SEMA6A: variants seen among roughly 807,000 people sequenced by gnomAD.
SEMA6A encodes the protein semaphorin 6A, also known as semaphorin-6A.
A neutral mutation model predicts 96.8 loss-of-function variants in SEMA6A; 25 were observed. The observed-to-expected ratio is 0.26, with a 90% confidence interval of 0.19 to 0.36. SEMA6A has a LOEUF of 0.36. Among genes scored for constraint, SEMA6A ranks in the 10% least tolerant of loss-of-function variants. The pLI is 1.00. For missense variants in SEMA6A, 1,363 were observed against 1,323.1 expected, an observed-to-expected ratio of 1.03 and a Z score of -0.47; for synonymous variants, 612 against 518.0, an observed-to-expected ratio of 1.18 and a Z score of -2.46.
intron 12 of SEMA6A, 130 bp from the exon 13 acceptor site, chr5:116,478,848 T>G: frequency 1.2e-6 from 1 of 869,156 alleles, no homozygotes; most frequent in Non-Finnish European, 1.7e-6. Flanking sequence ...ATATAAATAA[T>G]GTTCTCAAGT....
chr5:116,454,189 T>C (rs147908555), intron 18 of SEMA6A, among the ~76,000 whole-genome samples: 125 of 151,990 alleles, frequency 8.2e-4, no homozygotes, highest in Admixed American at 2.0e-3. Context: ...TTTAGAGAAA[T>C]ATGCAAAGGC....
chr5:116,466,676 T>A (rs1755777642), intron 18 of SEMA6A, among the ~76,000 whole-genome samples: 2 of 152,040 alleles, frequency 1.3e-5, no homozygotes, highest in African/African-American at 4.8e-5. Flanking sequence ...CTTCCAAGGG[T>A]CACAGTGGCT....
At chr5:116,477,951 C>A in intron 14 of SEMA6A, 25 bp from the exon 15 acceptor site, 1 of 1,613,892 alleles carries the variant, frequency 6.2e-7, no homozygotes, top group Non-Finnish European at 8.5e-7. Flanking sequence ...TGACCATGAG[C>A]TACCTAGGAC....
At chr5:116,527,793 C>T (rs540814914) in intron 1 of SEMA6A, among the ~76,000 whole-genome samples, 8 of 152,244 alleles carry the variant, frequency 5.3e-5, no homozygotes, top group South Asian at 4.1e-4. Context: ...AAAGTCAACC[C>T]TGTGATGCAC....
chr5:116,492,573 G>C (rs1003672356), intron 6 of SEMA6A: 1 of 152,198 alleles, frequency 6.6e-6, no homozygotes, highest in African/African-American at 2.4e-5. Flanking sequence ...TAGAGAATAG[G>C]AGGAAAAAGG....
At chr5:116,568,144 G>GTTA (rs1344442708) in intron 1 of SEMA6A, among the ~76,000 whole-genome samples, 1 of 152,180 alleles carries the variant, frequency 6.6e-6, no homozygotes, top group African/African-American at 2.4e-5. Flanking sequence ...TAGGATCTCT[G>GTTA]TTATATCCAG....
intron 1 of SEMA6A, among the ~76,000 whole-genome samples, chr5:116,532,416 C>T (rs1042092199): frequency 3.3e-5 from 5 of 152,202 alleles, no homozygotes; most frequent in African/African-American, 1.2e-4. Flanking sequence ...GGCCACAAGA[C>T]TGTTTAATAG....
intron 1 of SEMA6A, among the ~76,000 whole-genome samples, chr5:116,559,531 A>G (rs1760735189): frequency 6.6e-6 from 1 of 151,836 alleles, no homozygotes; most frequent in Non-Finnish European, 1.5e-5. Flanking sequence ...GGCTCATTAC[A>G]ACAGCGCGTT....
intron 12 of SEMA6A, 106 bp downstream of exon 12, chr5:116,480,016 A>T: frequency 1.5e-6 from 2 of 1,328,948 alleles, no homozygotes; most frequent in Non-Finnish European, 2.1e-6. Context: ...AATGCCCAGG[A>T]TAGCAGAAGA....
chr5:116,453,177 G>A (rs888077577), intron 18 of SEMA6A, among the ~76,000 whole-genome samples: 2 of 152,148 alleles, frequency 1.3e-5, no homozygotes, highest in African/African-American at 2.4e-5. Flanking sequence ...TGTTAGGCTG[G>A]AGGCATGAGC....
chr5:116,474,576 CTTTA>C (rs767054803), intron 16 of SEMA6A, among the ~76,000 whole-genome samples: 1 of 152,126 alleles, frequency 6.6e-6, no homozygotes, highest in Non-Finnish European at 1.5e-5. Flanking sequence ...CTTTAGCCCT[CTTTA>C]TTTGATTATA....
At chr5:116,565,207 A>C (rs1004836640) in intron 1 of SEMA6A, among the ~76,000 whole-genome samples, 4 of 152,262 alleles carry the variant, frequency 2.6e-5, no homozygotes, top group Non-Finnish European at 4.4e-5. Context: ...GGATGTGCAC[A>C]TAACAAGGTC....
rs780757162 is a variant in SEMA6A, at chr5:116,478,496, T to C, written c.1427+46A>G. ...TTTCTCTGAATGAAAGGGGCCATAA[T>C]AGCATAACAAATAATTACTAAGAAA... On this transcript the variant is annotated intron_variant, in intron 13 of 18. Coordinates refer to ENST00000343348, the MANE Select transcript of SEMA6A (RefSeq NM_020796.5). 5.9e-6 allele frequency: 9 copies of C among 1,526,678 alleles called. No individual in the cohort carries two copies. In the East Asian group the frequency reaches 7.0e-5, roughly 12 times the overall value. The allele number at this position is 1,526,678 out of a possible 1,614,324, so 94.6% of individuals were successfully genotyped here. A position where few individuals can be genotyped will look rare whatever the true frequency, so the allele number is the denominator to read the frequency against.
At chr5:116,479,601 T>C (rs1226031852) in intron 12 of SEMA6A, among the ~76,000 whole-genome samples, 1 of 152,164 alleles carries the variant, frequency 6.6e-6, no homozygotes, top group Non-Finnish European at 1.5e-5. Context: ...AGGAAGAGTT[T>C]TTTAATACTA....
intron 10 of SEMA6A, 110 bp from the exon 11 acceptor site, chr5:116,482,685 A>G: frequency 9.2e-7 from 1 of 1,089,462 alleles, no homozygotes; most frequent in Non-Finnish European, 1.4e-6. Context: ...TTTAAAGTTC[A>G]TACCTTGGAC....
chr5:116,558,444 G>A lies in SEMA6A; in HGVS notation c.-39+15741C>T, dbSNP rs886296560. 5.3e-5 allele frequency among the ~76,000 whole-genome samples: 3 copies of A among 56,952 alleles called. 1 individual carries two copies. Among genetic ancestry groups the A allele is most frequent in the African/African-American group, 1.4e-4 (3 of 21,398 alleles). The allele number at this position is 56,952 out of a possible 152,430, so 37.4% of individuals were successfully genotyped here. On this transcript the variant is annotated intron_variant, in intron 1 of 18. Coordinates refer to ENST00000343348, the MANE Select transcript of SEMA6A (RefSeq NM_020796.5). The stretch of plus-strand genomic sequence containing the variant: ...CTTTAGAGAATACCCATCATTTAAG[G>A]ATTCTTTTTTTTTTTTTTTTTTTTT...
chr5:116,451,600 T>A (rs1754639337), intron 18 of SEMA6A, among the ~76,000 whole-genome samples: 1 of 152,154 alleles, frequency 6.6e-6, no homozygotes, highest in Non-Finnish European at 1.5e-5. Flanking sequence ...TTATAACCCT[T>A]GCCATCCACA....
At chr5:116,467,915 GT>G in intron 17 of SEMA6A, 168 bp from the exon 18 acceptor site, 1 of 640,580 alleles carries the variant, frequency 1.6e-6, no homozygotes, top group Non-Finnish European at 2.7e-6. Flanking sequence ...TGGTGGTGGT[GT>G]GGGGTGTGTT....
chr5:116,543,559 G>A (rs1007770277), intron 1 of SEMA6A, among the ~76,000 whole-genome samples: 1 of 152,086 alleles, frequency 6.6e-6, no homozygotes, highest in Non-Finnish European at 1.5e-5. Flanking sequence ...TTAGAATAAG[G>A]CCAAGAATTT....
Sources: allele counts gnomAD v4.1 joint callset (sites outside exome capture counted in the v4.1 genomes callset), GRCh38; gene constraint gnomAD v4.1.1; transcripts MANE v1.5; gene names NCBI Gene and HGNC (gene_info 2026-07-23, HGNC 2026-07-21).